The following LSAMP variants were observed in gnomAD, a reference collection of about 807,000 sequenced individuals.
LSAMP encodes limbic system associated membrane protein.
LSAMP carries 7 observed loss-of-function variants against 38.6 expected under a neutral mutation model. That is an observed-to-expected ratio of 0.18 (90% CI 0.10 to 0.34). The LOEUF (loss-of-function observed/expected upper bound fraction) is 0.34. LSAMP is among the 10% of genes least tolerant of loss of function. The pLI is 1.00. For synonymous variants in LSAMP, 154 were observed against 166.8 expected (o/e 0.92, Z 0.59); for missense variants, 313 against 420.0 (o/e 0.75, Z 2.23).
chr3:116,422,279 C>G (rs1357789922), intron 1 of LSAMP, among the ~76,000 whole-genome samples: 1 of 152,106 alleles, frequency 6.6e-6, no homozygotes, highest in African/African-American at 2.4e-5. Context: ...CGGATTCAAC[C>G]AACCTCAGAC....
intron 2 of LSAMP, among the ~76,000 whole-genome samples, chr3:116,070,654 T>A (rs533029200): frequency 3.8e-4 from 58 of 152,210 alleles, no homozygotes; most frequent in Non-Finnish European, 7.5e-4. Context: ...ATTGACAAGG[T>A]CCTACCCACA....
At chr3:116,062,666 A>G (rs1941615595) in intron 2 of LSAMP, among the ~76,000 whole-genome samples, 1 of 152,138 alleles carries the variant, frequency 6.6e-6, no homozygotes, top group Admixed American at 6.5e-5. Context: ...TTTTCAGAAA[A>G]TTTATTTTTC....
intron 1 of LSAMP, among the ~76,000 whole-genome samples, chr3:116,430,686 T>C (rs1307143850): frequency 6.6e-6 from 1 of 152,000 alleles, no homozygotes; most frequent in East Asian, 1.9e-4. Context: ...AATATCATTA[T>C]TATAATTTTT....
chr3:115,892,685 A>G (rs887602530), intron 3 of LSAMP, among the ~76,000 whole-genome samples: 3 of 151,750 alleles, frequency 2.0e-5, no homozygotes, highest in Non-Finnish European at 2.9e-5. Context: ...TAAAACAGAC[A>G]CTTTTTAGTA....
At chr3:116,026,737 C>G (rs1258790547) in intron 2 of LSAMP, among the ~76,000 whole-genome samples, 1 of 152,154 alleles carries the variant, frequency 6.6e-6, no homozygotes, top group Non-Finnish European at 1.5e-5. Context: ...CAAATCTGTA[C>G]TCCTCCCTCT....
chr3:116,282,129 G>A (rs1424330669), intron 1 of LSAMP, among the ~76,000 whole-genome samples: 1 of 152,186 alleles, frequency 6.6e-6, no homozygotes. Context: ...AAAACAGACT[G>A]CGCTCATGCT....
chr3:116,285,717 A>G (rs1413564988), intron 1 of LSAMP, among the ~76,000 whole-genome samples: 1 of 152,242 alleles, frequency 6.6e-6, no homozygotes, highest in Non-Finnish European at 1.5e-5. Flanking sequence ...GTCTAGAATC[A>G]GGCTAGGTGC....
In LSAMP at chr3:115,967,779, T is replaced by A. The variant is rs1938868899; in HGVS notation, c.514+51736A>T. ...CTCCCATTTTTAAAACCATTAGATC[T>A]CATGAGACTCACTCACTATCACGAG... is the stretch of plus-strand genomic sequence containing the variant. On this transcript the variant is annotated intron_variant, in intron 3 of 6. Transcript: ENST00000490035. Among the ~76,000 whole-genome samples, 2 of 151,692 alleles carry A rather than the reference T, an allele frequency of 1.3e-5. 1 individual carries two copies. Among genetic ancestry groups the A allele is most frequent in the South Asian group, 4.2e-4 (2 of 4,798 alleles).
intron 3 of LSAMP, among the ~76,000 whole-genome samples, chr3:115,923,465 G>A (rs1937428603): frequency 6.6e-6 from 1 of 152,170 alleles, no homozygotes; most frequent in Admixed American, 6.5e-5. Flanking sequence ...ATATTTTGGT[G>A]CATATATTGT....
At chr3:116,271,001 T>TAA (rs1461603812) in intron 1 of LSAMP, among the ~76,000 whole-genome samples, 1 of 152,098 alleles carries the variant, frequency 6.6e-6, no homozygotes, top group East Asian at 1.9e-4. Context: ...ATTCTTTTCA[T>TAA]AAGTAACATG....
At chr3:116,410,617 A>T (rs1398756663) in intron 1 of LSAMP, among the ~76,000 whole-genome samples, 1 of 152,094 alleles carries the variant, frequency 6.6e-6, no homozygotes, top group East Asian at 1.9e-4. Flanking sequence ...TCACAGAAAT[A>T]ATACATGGTC....
chr3:116,241,822 T>C (rs918872069), intron 1 of LSAMP, among the ~76,000 whole-genome samples: 3 of 152,202 alleles, frequency 2.0e-5, no homozygotes, highest in African/African-American at 7.2e-5. Flanking sequence ...CTTCCAAATA[T>C]GTTTCCTCAC....
rs1029104869 is a variant in LSAMP, at chr3:116,172,661, T to A, written c.156-86105A>T. Reference sequence around the variant, plus strand: ...CACCTAGTTTCTCTCAATTCTTCTCTCAAGAAGGACTGCTTTCAGAATCAT... The same window carrying A: ...CACCTAGTTTCTCTCAATTCTTCTCACAAGAAGGACTGCTTTCAGAATCAT... On this transcript the variant is annotated intron_variant, in intron 1 of 6. Coordinates refer to ENST00000490035, the MANE Select transcript of LSAMP (RefSeq NM_002338.5). Among the ~76,000 whole-genome samples the A allele has an allele frequency of 2.6e-5, 4 of 152,038 alleles. No homozygotes were observed. In the East Asian group the frequency reaches 7.7e-4, roughly 29 times the overall value.
intron 3 of LSAMP, among the ~76,000 whole-genome samples, chr3:115,999,635 G>C (rs1939930167): frequency 6.6e-6 from 1 of 152,180 alleles, no homozygotes; most frequent in Non-Finnish European, 1.5e-5. Flanking sequence ...AGGAAGCCCT[G>C]TTTCCTTAGA....
At chr3:115,873,858 A>G (rs959119698) in intron 3 of LSAMP, among the ~76,000 whole-genome samples, 1 of 152,082 alleles carries the variant, frequency 6.6e-6, no homozygotes, top group African/African-American at 2.4e-5. Context: ...CCTGCTGGAG[A>G]GCCTCTAGCT....
intron 1 of LSAMP, among the ~76,000 whole-genome samples, chr3:116,109,361 G>T (rs1708544966): frequency 1.3e-5 from 2 of 152,108 alleles, no homozygotes; most frequent in Admixed American, 1.3e-4. Context: ...GCTTGGCCTG[G>T]CGAGGAGGGG....
chr3:116,215,017 G>C (rs570191702), intron 1 of LSAMP, among the ~76,000 whole-genome samples: 2 of 152,192 alleles, frequency 1.3e-5, no homozygotes, highest in East Asian at 1.9e-4. Context: ...GATACTTTGG[G>C]TTATCTATTA....
chr3:116,183,935 G>A (rs975800107), intron 1 of LSAMP, among the ~76,000 whole-genome samples: 1 of 151,734 alleles, frequency 6.6e-6, no homozygotes, highest in Admixed American at 6.6e-5. Flanking sequence ...CCTAATGATG[G>A]AGGACATTAA....
intron 1 of LSAMP, among the ~76,000 whole-genome samples, chr3:116,222,464 A>C (rs1338296798): frequency 1.3e-5 from 2 of 152,232 alleles, no homozygotes; most frequent in South Asian, 2.1e-4. Context: ...AATGTGAGGT[A>C]GGAAAAAGGC....
Sources: gnomAD v4.1 joint callset for allele counts (sites outside exome capture counted in the v4.1 genomes callset) on GRCh38, gnomAD v4.1.1 for gene constraint, MANE v1.5 for transcripts, NCBI Gene and HGNC (gene_info 2026-07-23, HGNC 2026-07-21) for gene names.